The following QTMAN variants were observed in gnomAD, a reference collection of about 807,000 sequenced individuals.
QTMAN encodes queuosine-tRNA mannosyltransferase, also known as tRNA-queuosine alpha-mannosyltransferase.
At chr2:144,144,193 G>C in the QTMAN span, among the ~76,000 whole-genome samples, 1 of 152,010 alleles carries the variant, frequency 6.6e-6, no homozygotes, top group Admixed American at 6.6e-5. Flanking sequence ...ATCGAGAGCT[G>C]AATTGTTTTT....
the QTMAN span, among the ~76,000 whole-genome samples, chr2:144,243,077 G>A: frequency 2.0e-5 from 3 of 151,456 alleles, no homozygotes; most frequent in African/African-American, 7.3e-5. Context: ...CTTACATATG[G>A]CTAAAAAAGG....
At chr2:144,289,519 A>G in the QTMAN span, among the ~76,000 whole-genome samples, 2 of 152,266 alleles carry the variant, frequency 1.3e-5, no homozygotes, top group Non-Finnish European at 2.9e-5. Context: ...CAAGAAAATT[A>G]AAATGGTACA....
At chr2:143,965,325 A>G in the QTMAN span, among the ~76,000 whole-genome samples, 2 of 152,220 alleles carry the variant, frequency 1.3e-5, no homozygotes, top group African/African-American at 4.8e-5. Context: ...CTCTGGAGGC[A>G]AGTCCATGAG....
chr2:144,301,579 A>T, the QTMAN span, among the ~76,000 whole-genome samples: 1 of 152,208 alleles, frequency 6.6e-6, no homozygotes, highest in African/African-American at 2.4e-5. Context: ...TTTATTTCCT[A>T]AATAGCATTT....
At chr2:144,210,109 A>G in the QTMAN span, among the ~76,000 whole-genome samples, 2 of 152,052 alleles carry the variant, frequency 1.3e-5, no homozygotes, top group Admixed American at 1.3e-4. Context: ...TATATGCAAA[A>G]TAAGAATCAG....
chr2:144,241,314 A>C, the QTMAN span, among the ~76,000 whole-genome samples: 1 of 152,306 alleles, frequency 6.6e-6, no homozygotes, highest in South Asian at 2.1e-4. Flanking sequence ...CCTGGTTTTC[A>C]ATTTTCTCTC....
At chr2:144,031,234 A>T in the QTMAN span, among the ~76,000 whole-genome samples, 1 of 152,034 alleles carries the variant, frequency 6.6e-6, no homozygotes, top group Admixed American at 6.6e-5. Flanking sequence ...TGCCACCAGA[A>T]TTGAAAACTG....
At chr2:144,027,087 T>C in the QTMAN span, among the ~76,000 whole-genome samples, 1 of 152,230 alleles carries the variant, frequency 6.6e-6, no homozygotes, top group Admixed American at 6.5e-5. Flanking sequence ...CAGTTTGTTA[T>C]ACATAATGTC....
At chr2:144,067,433 C>T in the QTMAN span, among the ~76,000 whole-genome samples, 1 of 152,206 alleles carries the variant, frequency 6.6e-6, no homozygotes, top group African/African-American at 2.4e-5. Flanking sequence ...TGCATGCACA[C>T]ATACTTCTAT....
At chr2:144,004,168 C>T in the QTMAN span, among the ~76,000 whole-genome samples, 1 of 151,934 alleles carries the variant, frequency 6.6e-6, no homozygotes, top group Admixed American at 6.6e-5. Flanking sequence ...AAAGAAAACC[C>T]CCCTTTTCAA....
chr2:144,327,090 T>C, the QTMAN span, among the ~76,000 whole-genome samples: 2 of 152,130 alleles, frequency 1.3e-5, no homozygotes, highest in African/African-American at 4.8e-5. Context: ...GATCCCATTC[T>C]ATACCCTGGA....
At chr2:144,224,876 C>T in the QTMAN span, among the ~76,000 whole-genome samples, 1 of 152,084 alleles carries the variant, frequency 6.6e-6, no homozygotes, top group African/African-American at 2.4e-5. Context: ...TCTCGGGTCT[C>T]AGGCCTGGAT....
At chr2:144,270,488 G>T in the QTMAN span, among the ~76,000 whole-genome samples, 1 of 152,168 alleles carries the variant, frequency 6.6e-6, no homozygotes, top group African/African-American at 2.4e-5. Flanking sequence ...AAAAGAATGC[G>T]TTAATGTCCT....
chr2:144,118,772 T>C, the QTMAN span, among the ~76,000 whole-genome samples: 1 of 152,098 alleles, frequency 6.6e-6, no homozygotes, highest in African/African-American at 2.4e-5. Flanking sequence ...TCCCAGCTAC[T>C]TGGGAGGCTG....
chr2:144,046,364 A>G, the QTMAN span, among the ~76,000 whole-genome samples: 2 of 152,202 alleles, frequency 1.3e-5, no homozygotes, highest in African/African-American at 4.8e-5. Context: ...ATTGTTTTTA[A>G]TAAAAGGTTA....
chr2:144,288,698 G>A, the QTMAN span, among the ~76,000 whole-genome samples: 1 of 152,116 alleles, frequency 6.6e-6, no homozygotes, highest in Non-Finnish European at 1.5e-5. Context: ...TAATCTGAAT[G>A]AGAATATCCC....
the QTMAN span, among the ~76,000 whole-genome samples, chr2:144,093,556 C>T: frequency 4.9e-4 from 74 of 152,302 alleles, no homozygotes; most frequent in East Asian, 0.013. Context: ...CGTAGAATAT[C>T]CTGTCCTTCA....
At chr2:144,326,340 C>T in the QTMAN span, among the ~76,000 whole-genome samples, 1 of 152,130 alleles carries the variant, frequency 6.6e-6, no homozygotes, top group Non-Finnish European at 1.5e-5. Context: ...GTAATCCCAG[C>T]ACTTTGGGAG....
At chr2:144,208,951 A>G in the QTMAN span, 2 of 497,986 alleles carry the variant, frequency 4.0e-6, no homozygotes, top group Non-Finnish European at 7.0e-6. Flanking sequence ...CATTATTTAA[A>G]TAAGTATATA....
Sources: gnomAD v4.1 joint callset for allele counts (sites outside exome capture counted in the v4.1 genomes callset) on GRCh38, gnomAD v4.1.1 for gene constraint, MANE v1.5 for transcripts, NCBI Gene and HGNC (gene_info 2026-07-23, HGNC 2026-07-21) for gene names.